Variants in INTS7 observed in about 807,000 individuals in gnomAD.
INTS7 encodes integrator complex subunit 7, also known as chromosome 1 open reading frame 73.
INTS7 carries 46 observed loss-of-function variants against 109.2 expected under a neutral mutation model. That is an observed-to-expected ratio of 0.42 (90% confidence interval 0.33 to 0.54). The LOEUF (loss-of-function observed/expected upper bound fraction) is 0.54, where lower values mean the gene tolerates loss of function less well. Ranked by LOEUF, INTS7 falls within the 20% of genes least tolerant of loss-of-function variation. INTS7 has a pLI of 0.07. For missense variants in INTS7, 929 were observed against 1,132.4 expected (o/e 0.82, Z 2.58); for synonymous variants, 412 against 402.9 (o/e 1.02, Z -0.27).
rs373012547 is a variant in INTS7, at chr1:211,944,766, G to C, written c.2601+18C>G. 19 of 1,597,480 alleles carry C rather than the reference G, an allele frequency of 1.2e-5. No homozygotes were observed. The African/African-American group carries it at 2.3e-4, about 19-fold the overall frequency. On this transcript the variant is annotated intron_variant, in intron 19 of 19. Transcript: ENST00000366994. ...CATATAAAACCTGTATCACAATTCT[G>C]CCTCTTTTCTAAATTACCTTGTAGT...
chr1:211,978,082 T>C (rs1489277072), intron 11 of INTS7, among the ~76,000 whole-genome samples, 190 bp downstream of exon 11: 1 of 152,128 alleles, frequency 6.6e-6, no homozygotes, highest in East Asian at 1.9e-4. Flanking sequence ...AAATCAAAAG[T>C]GAAAAAAGTA....
chr1:212,021,127 A>G lies in INTS7; in HGVS notation c.180T>C (p.Leu60=). The G allele has an allele frequency of 6.2e-7, 1 of 1,611,884 alleles. No homozygotes were observed. Among genetic ancestry groups the G allele is most frequent in the Non-Finnish European group, 8.5e-7 (1 of 1,178,534 alleles). ...CTAACTTTAGGAATGCAGAATTGAT[A>G]AGAATAGGGAATGGATACTTCTGAA... is the stretch of plus-strand genomic sequence containing the variant. ...RLFQKYPFPI[L]INSAFLKLAD... The change falls in exon 2 of 20, where the codon CTT becomes CTC. Residue 60 remains leucine (L), a synonymous_variant. Coordinates refer to ENST00000366994, the MANE Select transcript of INTS7 (RefSeq NM_015434.4).
chr1:211,976,747 A>G, intron 11 of INTS7, 28 bp from the exon 12 acceptor site: 1 of 1,612,154 alleles, frequency 6.2e-7, no homozygotes, highest in Non-Finnish European at 8.5e-7. Context: ...GAAAACCAAG[A>G]AAATCATTTA....
intron 17 of INTS7, among the ~76,000 whole-genome samples, chr1:211,951,438 G>C (rs1049884057): frequency 5.3e-5 from 8 of 152,196 alleles, no homozygotes; most frequent in Non-Finnish European, 1.2e-4. Context: ...CGCCTGAGTA[G>C]CTGGGATTAC....
chr1:211,957,336 G>A (rs189187357), intron 16 of INTS7, among the ~76,000 whole-genome samples: 4 of 152,026 alleles, frequency 2.6e-5, no homozygotes, highest in Admixed American at 2.6e-4. Context: ...ACCTGAGGTC[G>A]GGAGTTTGAG....
At chr1:212,029,647 A>G (rs1018473906) in intron 1 of INTS7, among the ~76,000 whole-genome samples, 4 of 152,256 alleles carry the variant, frequency 2.6e-5, no homozygotes, top group Admixed American at 6.5e-5. Flanking sequence ...GCAACCATCA[A>G]CATAACTAAC....
In INTS7 at chr1:211,987,970, C is replaced by G. The variant is rs1664969050; in HGVS notation, c.913G>C (p.Asp305His). 2 of 1,611,330 alleles carry G rather than the reference C, an allele frequency of 1.2e-6. No homozygotes were observed. The highest frequency in any genetic ancestry group is 2.7e-5 in the African/African-American group (2 of 74,804). Residue 305 changes from aspartate to histidine, a missense_variant, in exon 8 of 20, where the codon GAC (aspartate) becomes CAC (histidine). Transcript: ENST00000366994. ...LCECALQTPY[D>H]SLKLGMLSVL... ...GACAACATCCCTAGTTTTAAGCTGT[C>G]ATAAGGAGTCTGGAGGGCACACTCA...
At chr1:211,981,654 C>G (rs531216259) in intron 9 of INTS7, among the ~76,000 whole-genome samples, 53 of 152,196 alleles carry the variant, frequency 3.5e-4, no homozygotes, top group Non-Finnish European at 4.7e-4. Context: ...TCCACATAAC[C>G]TTATTACTGT....
At chr1:211,988,130 A>T (rs77080284) in intron 7 of INTS7, 127 bp from the exon 8 acceptor site, 2 of 507,538 alleles carry the variant, frequency 3.9e-6, no homozygotes, top group East Asian at 7.0e-5. Context: ...ATGTTAAAAA[A>T]CTTAAATCGA....
At chr1:211,999,035 G>A (rs772407844) in intron 7 of INTS7, among the ~76,000 whole-genome samples, 10 of 152,170 alleles carry the variant, frequency 6.6e-5, no homozygotes, top group Non-Finnish European at 1.2e-4. Flanking sequence ...TGGCTGGTGG[G>A]TAAGTAAAAT....
intron 2 of INTS7, chr1:212,020,826 G>C (rs1165709074): frequency 1.5e-6 from 1 of 681,842 alleles, no homozygotes; most frequent in Non-Finnish European, 2.0e-6. Context: ...AGATTTTCCT[G>C]AAGTACACAG....
At chr1:212,018,336 A>T (rs1314845047) in intron 3 of INTS7, among the ~76,000 whole-genome samples, 3 of 152,154 alleles carry the variant, frequency 2.0e-5, no homozygotes, top group Admixed American at 6.5e-5. Flanking sequence ...TTAAAAAAAG[A>T]ATTGAGGCAA....
chr1:211,963,620 T>A (rs1197290192), intron 16 of INTS7, among the ~76,000 whole-genome samples: 2 of 151,868 alleles, frequency 1.3e-5, no homozygotes, highest in Non-Finnish European at 2.9e-5. Context: ...CAGCAACAAA[T>A]CAAAAAGCTT....
intron 16 of INTS7, among the ~76,000 whole-genome samples, chr1:211,957,990 T>C (rs951076088): frequency 6.6e-6 from 1 of 152,102 alleles, no homozygotes; most frequent in Non-Finnish European, 1.5e-5. Context: ...CGTTGTCTTA[T>C]TTCATATATT....
chr1:211,958,450 T>C (rs1390599025), intron 16 of INTS7, among the ~76,000 whole-genome samples: 1 of 152,100 alleles, frequency 6.6e-6, no homozygotes, highest in East Asian at 1.9e-4. Context: ...TTTAAAAAAT[T>C]TTTCTCTTTA....
At chr1:211,971,211 C>T (rs1664149631) in intron 13 of INTS7, among the ~76,000 whole-genome samples, 1 of 152,160 alleles carries the variant, frequency 6.6e-6, no homozygotes, top group Non-Finnish European at 1.5e-5. Flanking sequence ...AACAACTGGG[C>T]AAGTGGTGAT....
At chr1:212,003,490 C>G (rs1394483739) in intron 7 of INTS7, among the ~76,000 whole-genome samples, 1 of 151,962 alleles carries the variant, frequency 6.6e-6, no homozygotes, top group Non-Finnish European at 1.5e-5. Context: ...GGGTTTACCA[C>G]CACAGACTCT....
At chr1:211,964,489 C>T (rs777562991) in intron 16 of INTS7, among the ~76,000 whole-genome samples, 38 of 152,128 alleles carry the variant, frequency 2.5e-4, no homozygotes, top group Non-Finnish European at 5.1e-4. Flanking sequence ...TCATATGGAA[C>T]CAAAAAGAGC....
chr1:211,999,459 G>A (rs1016080810), intron 7 of INTS7, among the ~76,000 whole-genome samples: 2 of 152,156 alleles, frequency 1.3e-5, no homozygotes, highest in Non-Finnish European at 2.9e-5. Flanking sequence ...TTGGGGAAAG[G>A]ACTGACTACA....
Sources: allele counts gnomAD v4.1 joint callset (sites outside exome capture counted in the v4.1 genomes callset), GRCh38; gene constraint gnomAD v4.1.1; transcripts MANE v1.5; gene names NCBI Gene and HGNC (gene_info 2026-07-23, HGNC 2026-07-21).